Variants in ROS1 observed in about 807,000 individuals in gnomAD.
The protein encoded by ROS1 is proto-oncogene tyrosine-protein kinase ROS.
Under a neutral mutation model 273.5 loss-of-function variants are expected in ROS1, and 263 were observed. That is an observed-to-expected ratio of 0.96 (90% CI 0.87 to 1.06). The LOEUF (loss-of-function observed/expected upper bound fraction) is 1.06. Among genes scored for constraint, ROS1 ranks in the 50% least tolerant of loss-of-function variants. The pLI is 0.00. For synonymous variants in ROS1, 1,008 were observed against 954.1 expected, an observed-to-expected ratio of 1.06 and a Z score of -1.04; for missense variants, 2,833 against 2,751.1, an observed-to-expected ratio of 1.03 and a Z score of -0.67.
chr6:117,324,854 G>C (rs992665009), intron 34 of ROS1, among the ~76,000 whole-genome samples: 1 of 152,034 alleles, frequency 6.6e-6, no homozygotes, highest in African/African-American at 2.4e-5. Flanking sequence ...GTTGTGTAGA[G>C]GAAACAAACA....
At chr6:117,345,337 T>G (rs368719914) in intron 27 of ROS1, among the ~76,000 whole-genome samples, 2 of 152,368 alleles carry the variant, frequency 1.3e-5, no homozygotes, top group East Asian at 1.9e-4. Context: ...TGCCTTCCTA[T>G]TCCAGGTGAA....
intron 32 of ROS1, among the ~76,000 whole-genome samples, chr6:117,336,901 C>T (rs1006835117): frequency 6.6e-6 from 1 of 152,008 alleles, no homozygotes; most frequent in Non-Finnish European, 1.5e-5. Context: ...ATAGTTATCA[C>T]CATAAAATTG....
intron 27 of ROS1, among the ~76,000 whole-genome samples, chr6:117,351,218 C>G (rs1453330756): frequency 6.6e-6 from 1 of 152,242 alleles, no homozygotes. Flanking sequence ...GTGAACTTCA[C>G]AGGTTCTTTT....
intron 43 of ROS1, among the ~76,000 whole-genome samples, chr6:117,296,559 T>C (rs530328530): frequency 6.6e-6 from 1 of 152,188 alleles, no homozygotes; most frequent in African/African-American, 2.4e-5. Context: ...CACAGAAAGA[T>C]AAATATCTCA....
In ROS1 at chr6:117,301,016, C is replaced by T. The variant is rs2128536742; in HGVS notation, c.6673G>A (p.Asp2225Asn). ...FFLNSIYKSR[D>N]EANNSGVINE... ...ATGACTCCACTGTTGTTTGCTTCAT[C>T]TCTGGACTTATAAATGCTATTTAAG... The change falls in exon 43 of 44, where the codon GAT becomes AAT. Residue 2225 changes from aspartate (D) to asparagine (N), a missense_variant. By Grantham distance (23) the Asp-to-Asn change is conservative. Transcript: ENST00000368507. 6.2e-7 allele frequency: 1 copy of T among 1,601,258 alleles called. No homozygotes were observed. Among genetic ancestry groups the T allele is most frequent in the Non-Finnish European group, 8.5e-7 (1 of 1,175,210 alleles).
Position 117,310,137 on chromosome 6 carries a change from C to T in ROS1, c.6360G>A (p.Arg2120=), listed in dbSNP as rs1018655426. ...CCATCAAACTTTCTGGAGCCATCCA[C>T]CGAACTGGGAGCAGGCCTTCCCCTC... The part of the protein sequence containing the change: ...RKRGEGLLPV[R]WMAPESLMDG... Residue 2120 remains arginine, a synonymous_variant, in exon 41 of 44, where the codon CGG becomes CGA. Coordinates refer to ENST00000368507, the MANE Select transcript of ROS1 (RefSeq NM_001378902.1). The T allele has an allele frequency of 7.4e-6, 12 of 1,613,372 alleles. No individual in the cohort carries two copies. The African/African-American group carries it at 1.3e-4, about 18-fold the overall frequency.
intron 28 of ROS1, 138 bp from the exon 29 acceptor site, chr6:117,342,682 A>T (rs1174277135): frequency 1.7e-6 from 1 of 590,388 alleles, no homozygotes; most frequent in African/African-American, 1.9e-5. Flanking sequence ...TATTAATGGT[A>T]ATACCACTGT....
At chr6:117,323,063 C>T (rs1776391499) in intron 35 of ROS1, among the ~76,000 whole-genome samples, 1 of 152,152 alleles carries the variant, frequency 6.6e-6, no homozygotes, top group African/African-American at 2.4e-5. Context: ...ATGCCAACTG[C>T]CAAATATACT....
intron 10 of ROS1, 125 bp from the exon 11 acceptor site, chr6:117,394,471 A>G (rs1040201056): frequency 2.6e-5 from 22 of 832,396 alleles, no homozygotes; most frequent in Admixed American, 4.0e-5. Context: ...TTTTAAAAGA[A>G]AATATTCTTC....
chr6:117,304,883 TA>T (rs1774989141), intron 42 of ROS1, among the ~76,000 whole-genome samples: 1 of 152,040 alleles, frequency 6.6e-6, no homozygotes, highest in Admixed American at 6.6e-5. Flanking sequence ...TCTGGTTGTT[TA>T]AAAGTGTAGC....
At chr6:117,362,898 G>T (rs780537532) in intron 21 of ROS1, 33 bp from the exon 22 acceptor site, 4 of 1,513,540 alleles carry the variant, frequency 2.6e-6, no homozygotes, top group East Asian at 4.7e-5. Context: ...GAGCAGAAAA[G>T]AATATAAGAA....
In ROS1 at chr6:117,397,373, T is replaced by C. The variant is rs566054240; in HGVS notation, c.605-257A>G. 4.6e-5 allele frequency among the ~76,000 whole-genome samples: 7 copies of C among 152,236 alleles called. No individual in the cohort carries two copies. In the South Asian group the frequency reaches 1.4e-3, roughly 32 times the overall value. On this transcript the variant is annotated intron_variant, in intron 7 of 43. Transcript: ENST00000368507. Reference sequence around the variant, plus strand: ...TAAAATTAAATATAGTGTATACGAATACAATAATGGCCCTTTTAAAAAAAG... The same window carrying C: ...TAAAATTAAATATAGTGTATACGAACACAATAATGGCCCTTTTAAAAAAAG...
chr6:117,355,716 T>C (rs2128642114), intron 26 of ROS1, among the ~76,000 whole-genome samples: 1 of 151,784 alleles, frequency 6.6e-6, no homozygotes, highest in South Asian at 2.1e-4. Flanking sequence ...TTCAAGTGAG[T>C]CTTCCTGTCT....
At chr6:117,305,222 A>G (rs72963550) in intron 42 of ROS1, among the ~76,000 whole-genome samples, 16 of 152,314 alleles carry the variant, frequency 1.1e-4, no homozygotes, top group South Asian at 6.2e-4. Context: ...GGCTATTGCC[A>G]TACTTACTTA....
At chr6:117,407,158 A>G (rs1774480485) in intron 5 of ROS1, among the ~76,000 whole-genome samples, 1 of 152,226 alleles carries the variant, frequency 6.6e-6, no homozygotes, top group Admixed American at 6.5e-5. Flanking sequence ...AAATCAGAAC[A>G]GCAAGATAAG....
intron 38 of ROS1, among the ~76,000 whole-genome samples, chr6:117,317,571 T>G (rs1383859297): frequency 2.6e-5 from 4 of 152,146 alleles, no homozygotes; most frequent in Non-Finnish European, 5.9e-5. Context: ...TGAAAAGATA[T>G]TTAAAAACAT....
intron 7 of ROS1, among the ~76,000 whole-genome samples, chr6:117,402,405 G>A (rs1292608773): frequency 1.3e-5 from 2 of 152,064 alleles, no homozygotes; most frequent in Non-Finnish European, 2.9e-5. Flanking sequence ...AGCTCACCAA[G>A]GCTCATTCTG....
intron 21 of ROS1, among the ~76,000 whole-genome samples, chr6:117,363,258 G>A (rs1779955259): frequency 6.6e-6 from 1 of 152,174 alleles, no homozygotes; most frequent in South Asian, 2.1e-4. Context: ...CAGGATGGAT[G>A]GCAGTAAGTC....
intron 17 of ROS1, among the ~76,000 whole-genome samples, chr6:117,381,486 T>TA (rs1268275696): frequency 6.6e-6 from 1 of 152,054 alleles, no homozygotes; most frequent in Non-Finnish European, 1.5e-5. Flanking sequence ...TGAGAACATA[T>TA]AGTATTTGGT....
Sources: gnomAD v4.1 joint callset for allele counts (sites outside exome capture counted in the v4.1 genomes callset) on GRCh38, gnomAD v4.1.1 for gene constraint, MANE v1.5 for transcripts, NCBI Gene and HGNC (gene_info 2026-07-23, HGNC 2026-07-21) for gene names.